RBFOX3: variants seen among roughly 807,000 people sequenced by gnomAD.
RBFOX3 encodes RNA binding fox-1 homolog 3.
RBFOX3 carries 17 observed loss-of-function variants against 48.7 expected under a neutral mutation model. That is an observed-to-expected ratio of 0.35 (90% confidence interval 0.24 to 0.52). The LOEUF (loss-of-function observed/expected upper bound fraction) is 0.52. Ranked by LOEUF, RBFOX3 falls within the 20% of genes least tolerant of loss-of-function variation. The pLI is 0.94. For synonymous variants in RBFOX3, 212 were observed against 209.5 expected, an observed-to-expected ratio of 1.01 and a Z score of -0.10; for missense variants, 382 against 497.5, an observed-to-expected ratio of 0.77 and a Z score of 2.21.
intron 2 of RBFOX3, among the ~76,000 whole-genome samples, chr17:79,384,976 T>C (rs925606): frequency 0.035 from 5,297 of 152,296 alleles, 99 homozygotes; most frequent in East Asian, 0.083. Context: ...GCCCAGAAGG[T>C]CCCTGGAGCC....
chr17:79,090,940 G>C (rs2073762270), intron 14 of RBFOX3, 55 bp from the exon 15 acceptor site: 5 of 1,521,370 alleles, frequency 3.3e-6, no homozygotes, highest in Non-Finnish European at 4.4e-6. Context: ...GGCACAGCAG[G>C]TGTGAAGGCG....
At chr17:79,645,769 G>GT in the RBFOX3 span, among the ~76,000 whole-genome samples, 1 of 152,212 alleles carries the variant, frequency 6.6e-6, no homozygotes, top group African/African-American at 2.4e-5. Context: ...GTGAAGCGGG[G>GT]TTAGCCTGCA....
chr17:79,340,322 A>AAAAAAC lies in RBFOX3; in HGVS notation c.-174-32499_-174-32498insGTTTTT, dbSNP rs1234763088. Among the ~76,000 whole-genome samples the AAAAAAC allele has an allele frequency of 1.5e-3, 223 of 143,984 alleles. 7 individuals are homozygous for AAAAAAC. The highest frequency in any genetic ancestry group is 2.1e-3 in the Non-Finnish European group (136 of 65,028). 94.5% of individuals were successfully genotyped at this position (143,984 alleles called of 152,430 possible). A position where few individuals can be genotyped will look rare whatever the true frequency, so the allele number is the denominator to read the frequency against. ...TCAAAAAAAAAAACAAAAAACAAAA[A>AAAAAAC]CAAAACTCTCTGAGCATGATAGAAT... On this transcript the variant is annotated intron_variant, in intron 2 of 14. Coordinates refer to ENST00000693108, the MANE Select transcript of RBFOX3 (RefSeq NM_001350451.2).
chr17:79,414,646 A>G (rs1485465948), intron 2 of RBFOX3, among the ~76,000 whole-genome samples: 2 of 152,170 alleles, frequency 1.3e-5, no homozygotes, highest in Non-Finnish European at 2.9e-5. Context: ...AACAGTAAAG[A>G]CAGGTCTGGG....
chr17:79,287,316 T>TC (rs903566365), intron 3 of RBFOX3, among the ~76,000 whole-genome samples: 1 of 152,120 alleles, frequency 6.6e-6, no homozygotes, highest in African/African-American at 2.4e-5. Context: ...CCCATAGCAC[T>TC]CCCCACCCAC....
At chr17:79,173,034 C>A (rs2049698817) in intron 4 of RBFOX3, among the ~76,000 whole-genome samples, 1 of 152,076 alleles carries the variant, frequency 6.6e-6, no homozygotes, top group Non-Finnish European at 1.5e-5. Flanking sequence ...CATGGTGAAA[C>A]CCCATCTCTA....
chr17:79,572,159 G>A (rs1433763781), intron 1 of RBFOX3, among the ~76,000 whole-genome samples: 14 of 152,258 alleles, frequency 9.2e-5, no homozygotes, highest in African/African-American at 3.4e-4. Flanking sequence ...AGTGGGGACT[G>A]GGCTGGGATT....
chr17:79,453,061 G>C lies in RBFOX3; in HGVS notation c.-175+29393C>G, dbSNP rs1266688356. ...GGTGATCGCAGGGCCTCCCTCAGGA[G>C]ATTGCTTTGAGGATCAAATGAGCGA... On this transcript the variant is annotated intron_variant, in intron 2 of 14. Coordinates refer to ENST00000693108, the MANE Select transcript of RBFOX3 (RefSeq NM_001350451.2). Among the ~76,000 whole-genome samples, 4 of 152,262 alleles carry C rather than the reference G, an allele frequency of 2.6e-5. No individual in the cohort carries two copies. The East Asian group carries it at 7.7e-4, about 29-fold the overall frequency.
At chr17:79,101,694 G>A in intron 8 of RBFOX3, 50 bp from the exon 9 acceptor site, 2 of 1,497,748 alleles carry the variant, frequency 1.3e-6, no homozygotes, top group Non-Finnish European at 1.8e-6. Context: ...TAGCCTCCTG[G>A]AAGACCCACT....
chr17:79,409,248 G>A (rs887480241), intron 2 of RBFOX3, among the ~76,000 whole-genome samples: 3 of 152,214 alleles, frequency 2.0e-5, no homozygotes, highest in Non-Finnish European at 2.9e-5. Flanking sequence ...CCATTCTCCA[G>A]CTGACAGGCA....
chr17:79,576,110 G>T (rs2092848387), intron 1 of RBFOX3, among the ~76,000 whole-genome samples: 1 of 152,198 alleles, frequency 6.6e-6, no homozygotes, highest in Non-Finnish European at 1.5e-5. Context: ...AAGGTGGATG[G>T]GTAGGTCCCA....
rs9330568 is a variant in RBFOX3 at position 79,594,771 on chromosome 17, G to A, written c.-320+16055C>T. ...GAAAGGTTCTGGTGTCCAGGGGCTG[G>A]GGGTGTAGGCAGCTGCGAGGCCTTC... is the stretch of plus-strand genomic sequence containing the variant. On this transcript the variant is annotated intron_variant, in intron 1 of 14. Transcript: ENST00000693108. Among the ~76,000 whole-genome samples the A allele has an allele frequency of 6.5e-3, 983 of 152,264 alleles. 3 individuals carry two copies. Among genetic ancestry groups the A allele is most frequent in the Admixed American group, 9.7e-3 (148 of 15,294 alleles).
intron 1 of RBFOX3, among the ~76,000 whole-genome samples, chr17:79,542,039 C>CT (rs34678698): frequency 0.21 from 30,331 of 145,774 alleles, 3,544 homozygotes; most frequent in East Asian, 0.49. Context: ...GAGCGTCGAC[C>CT]TTTTTTTTTT....
chr17:79,490,736 G>GAGAC (rs1598915672), intron 1 of RBFOX3, among the ~76,000 whole-genome samples: 1 of 150,834 alleles, frequency 6.6e-6, no homozygotes, highest in African/African-American at 2.4e-5. Flanking sequence ...GAGAGAGAGA[G>GAGAC]AGAGAGAGAA....
chr17:79,481,496 G>T lies in RBFOX3; in HGVS notation c.-175+958C>A, dbSNP rs75479296. Among the ~76,000 whole-genome samples the T allele has an allele frequency of 1.3e-5, 2 of 152,124 alleles. No homozygotes were observed. The highest frequency in any genetic ancestry group is 4.8e-5 in the African/African-American group (2 of 41,406). ...AAGCCACTCCTGACCACACCTGACCGTGTGCTGACCTGGCAACTCACAGGG... is the reference window on the plus strand; with the variant it reads ...AAGCCACTCCTGACCACACCTGACCTTGTGCTGACCTGGCAACTCACAGGG... On this transcript the variant is annotated intron_variant, in intron 2 of 14. Coordinates refer to ENST00000693108, the MANE Select transcript of RBFOX3 (RefSeq NM_001350451.2). The surrounding 1 kb of genome is among the most constrained non-coding windows in gnomAD (Gnocchi z 5.4).
intron 4 of RBFOX3, among the ~76,000 whole-genome samples, chr17:79,211,664 C>A (rs576775448): frequency 1.3e-5 from 2 of 152,290 alleles, no homozygotes; most frequent in South Asian, 4.1e-4. Context: ...GCTGCAGATA[C>A]CCCAAGGTCA....
the RBFOX3 span, among the ~76,000 whole-genome samples, chr17:79,645,419 C>T: frequency 6.6e-6 from 1 of 152,152 alleles, no homozygotes; most frequent in South Asian, 2.1e-4. Flanking sequence ...CTGGTGGCCC[C>T]TACCTGGAAT....
intron 2 of RBFOX3, among the ~76,000 whole-genome samples, chr17:79,468,964 A>G (rs1291545010): frequency 6.6e-6 from 1 of 150,810 alleles, no homozygotes; most frequent in Non-Finnish European, 1.5e-5. Flanking sequence ...GGATGGATGG[A>G]TGGATGGATG....
At chr17:79,583,185 A>T (rs1359350474) in intron 1 of RBFOX3, among the ~76,000 whole-genome samples, 1 of 152,204 alleles carries the variant, frequency 6.6e-6, no homozygotes, top group Non-Finnish European at 1.5e-5. Flanking sequence ...CTTCATCGAC[A>T]CATGACCCTG....
Sources: allele counts gnomAD v4.1 joint callset (sites outside exome capture counted in the v4.1 genomes callset), GRCh38; gene constraint gnomAD v4.1.1; non-coding constraint Gnocchi (gnomAD v3.1); transcripts MANE v1.5; gene names NCBI Gene and HGNC (gene_info 2026-07-23, HGNC 2026-07-21).